DNAAF9: variants seen among roughly 807,000 people sequenced by gnomAD.
The protein encoded by DNAAF9 is shulin.
DNAAF9 carries 90 observed loss-of-function variants against 167.0 expected under a neutral mutation model. The ratio of observed to expected loss-of-function variants is 0.54; its 90% CI spans 0.45 to 0.64. DNAAF9 has a LOEUF of 0.64. Among genes scored for constraint, DNAAF9 ranks in the 30% least tolerant of loss-of-function variants. The pLI, the probability that DNAAF9 is intolerant of heterozygous loss-of-function variation, is 0.00. For missense variants in DNAAF9, 1,315 were observed against 1,442.2 expected (o/e 0.91, Z 1.43); for synonymous variants, 491 against 508.8 (o/e 0.96, Z 0.47).
intron 10 of DNAAF9, among the ~76,000 whole-genome samples, chr20:3,335,515 G>T (rs560914931): frequency 6.6e-6 from 1 of 152,174 alleles, no homozygotes; most frequent in East Asian, 1.9e-4. Flanking sequence ...CTAGCACTTT[G>T]GGAGGTCGAG....
chr20:3,356,561 T>C (rs975701359), intron 7 of DNAAF9, among the ~76,000 whole-genome samples: 1 of 152,254 alleles, frequency 6.6e-6, no homozygotes, highest in African/African-American at 2.4e-5. Context: ...GTACCTATCA[T>C]TGCCCTCTTT....
chr20:3,330,758 T>C, intron 11 of DNAAF9, 76 bp from the exon 12 acceptor site: 2 of 824,772 alleles, frequency 2.4e-6, no homozygotes, highest in Non-Finnish European at 3.9e-6. Context: ...TAGAAATGCT[T>C]AATTTACCTG....
chr20:3,394,919 C>CCATGGCTTT (rs2083877415), intron 1 of DNAAF9, among the ~76,000 whole-genome samples: 1 of 141,396 alleles, frequency 7.1e-6, no homozygotes, highest in Non-Finnish European at 1.5e-5. Context: ...TTCAAAGATT[C>CCATGGCTTT]CATGGCTTTT....
rs907857620 is a variant in DNAAF9 at position 3,306,959 on chromosome 20, C to T, written c.1679-2416G>A. On this transcript the variant is annotated intron_variant, in intron 20 of 36. Transcript: ENST00000252032. ...CCTGCTGCTGAGTGGTTAGTACCTG[C>T]ACCCTTCCCTGTCCTGGGTATCCCT... 6 of 985,188 alleles carry T rather than the reference C, an allele frequency of 6.1e-6. No homozygotes were observed. In the African/African-American group the frequency reaches 8.7e-5, roughly 14 times the overall value. 61.0% of individuals were successfully genotyped at this position (985,188 alleles called of 1,614,324 possible).
chr20:3,267,445 T>C (rs2068509466), intron 30 of DNAAF9, among the ~76,000 whole-genome samples: 2 of 152,160 alleles, frequency 1.3e-5, no homozygotes, highest in Admixed American at 1.3e-4. Context: ...GACTGGTACT[T>C]AGAAACCAAG....
intron 9 of DNAAF9, among the ~76,000 whole-genome samples, chr20:3,342,768 G>A (rs2070112384): frequency 6.6e-6 from 1 of 152,096 alleles, no homozygotes; most frequent in African/African-American, 2.4e-5. Context: ...GGAATTGGGG[G>A]AAGAAAAGAG....
Position 3,318,322 on chromosome 20 carries a change from A to T in DNAAF9, c.1435T>A (p.Phe479Ile), listed in dbSNP as rs2069547172. 6.3e-7 allele frequency: 1 copy of T among 1,591,466 alleles called. No individual in the cohort carries two copies. The highest frequency in any genetic ancestry group is 8.6e-7 in the Non-Finnish European group (1 of 1,159,642). ...CLGSVVFSES[F>I]LTSQILVKEK... ...TTAACTAAGATCTGAGAAGTCAAAA[A>T]TGATTCAGAGAAAACCACAGATCCT... The change falls in exon 17 of 37, where the codon TTT becomes ATT. Residue 479 changes from phenylalanine to isoleucine, a missense_variant. Phe to Ile is a conservative substitution (Grantham distance 21, BLOSUM62 0). This residue lies in a region of DNAAF9 where 981 missense variants were observed against 1,012.5 expected (regional missense o/e 0.97). Transcript: ENST00000252032.
At chr20:3,368,066 G>C (rs1320170702) in intron 6 of DNAAF9, among the ~76,000 whole-genome samples, 1 of 151,746 alleles carries the variant, frequency 6.6e-6, no homozygotes, top group Non-Finnish European at 1.5e-5. Context: ...AATCCTTTCA[G>C]ATAGGTTTCT....
At chr20:3,391,578 C>CTTTTTTT (rs34396355) in intron 1 of DNAAF9, among the ~76,000 whole-genome samples, 3 of 120,952 alleles carry the variant, frequency 2.5e-5, no homozygotes, top group Non-Finnish European at 4.9e-5. Context: ...TTTTTTCCTT[C>CTTTTTTT]TTTTTTTTTT....
At position 3,298,138 on chromosome 20, in the gene DNAAF9, A is replaced by C. The variant is rs747606828; in HGVS notation, c.1820T>G (p.Phe607Cys). 1 of 1,613,816 alleles carries C rather than the reference A, an allele frequency of 6.2e-7. No individual in the cohort carries two copies. Among genetic ancestry groups the C allele is most frequent in the East Asian group, 2.2e-5 (1 of 44,876 alleles). The change falls in exon 22 of 37, where the codon TTC (phenylalanine) becomes TGC (cysteine). Residue 607 changes from phenylalanine (F) to cysteine (C), a missense_variant. This residue lies in a region of DNAAF9 where 981 missense variants were observed against 1,012.5 expected (regional missense o/e 0.97). Transcript: ENST00000252032. Reference sequence around the variant, plus strand: ...GAGGTGAGGAAGCAATGAGCTTTTGAAGTCTATGAGAAGAGCAGCAACAGT... The same window carrying C: ...GAGGTGAGGAAGCAATGAGCTTTTGCAGTCTATGAGAAGAGCAGCAACAGT... Reference protein sequence around the residue: ...TSTVAALLIDFKSSLLPHLPV... With the variant: ...TSTVAALLIDCKSSLLPHLPV...
At chr20:3,254,370 T>G (rs779773051) in intron 35 of DNAAF9, among the ~76,000 whole-genome samples, 2 of 152,138 alleles carry the variant, frequency 1.3e-5, no homozygotes, top group African/African-American at 2.4e-5. Flanking sequence ...TGAGCCACCA[T>G]GCCCGGCCAC....
intron 27 of DNAAF9, among the ~76,000 whole-genome samples, chr20:3,286,248 G>C (rs1320299480): frequency 1.3e-5 from 2 of 152,210 alleles, no homozygotes; most frequent in Non-Finnish European, 2.9e-5. Flanking sequence ...ATATCCTGGG[G>C]CTGTGATGGG....
At chr20:3,352,537 A>G (rs2070345059) in intron 7 of DNAAF9, among the ~76,000 whole-genome samples, 1 of 152,204 alleles carries the variant, frequency 6.6e-6, no homozygotes, top group African/African-American at 2.4e-5. Context: ...CAGCAGTTAA[A>G]GAACGTTTCA....
At chr20:3,268,368 C>T (rs573672611) in intron 30 of DNAAF9, among the ~76,000 whole-genome samples, 17 of 139,800 alleles carry the variant, frequency 1.2e-4, no homozygotes, top group Admixed American at 4.3e-4. Context: ...TTCTCTTTGT[C>T]GCCCACCTGG....
intron 23 of DNAAF9, 72 bp downstream of exon 23, chr20:3,296,789 G>A (rs1002800612): frequency 2.1e-6 from 2 of 931,360 alleles, no homozygotes; most frequent in Non-Finnish European, 3.5e-6. Flanking sequence ...TACATAATGC[G>A]AGGCATCCTG....
rs570255192 is a variant in DNAAF9 at position 3,295,059 on chromosome 20, C to T, written c.2019-430G>A. On this transcript the variant is annotated intron_variant, in intron 23 of 36. Transcript: ENST00000252032. Reference sequence around the variant, plus strand: ...TTTGTGTTTGTATTTTTAGTAGAGACGGGGTTTCACTGTGTTAGCCAGGAT... The same window carrying T: ...TTTGTGTTTGTATTTTTAGTAGAGATGGGGTTTCACTGTGTTAGCCAGGAT... Among the ~76,000 whole-genome samples, 329 of 152,092 alleles carry T rather than the reference C, an allele frequency of 2.2e-3. 1 individual carries two copies. Among genetic ancestry groups the T allele is most frequent in the African/African-American group, 7.5e-3 (311 of 41,492 alleles).
intron 1 of DNAAF9, among the ~76,000 whole-genome samples, chr20:3,392,844 T>A (rs895454606): frequency 6.6e-6 from 1 of 152,218 alleles, no homozygotes; most frequent in African/African-American, 2.4e-5. Flanking sequence ...TCTTCTTATA[T>A]CCTGTACACT....
At chr20:3,326,740 C>A (rs2069718127) in intron 12 of DNAAF9, among the ~76,000 whole-genome samples, 1 of 121,660 alleles carries the variant, frequency 8.2e-6, no homozygotes, top group African/African-American at 3.2e-5. Context: ...AGAGTGGGAC[C>A]CTGTCTCAAA....
chr20:3,325,650 T>C (rs140997836), intron 13 of DNAAF9, among the ~76,000 whole-genome samples: 9 of 152,316 alleles, frequency 5.9e-5, no homozygotes, highest in Middle Eastern at 3.4e-3. Flanking sequence ...TCAAGCTGAC[T>C]CTTCTCATCT....
Sources: allele counts gnomAD v4.1 joint callset (sites outside exome capture counted in the v4.1 genomes callset), GRCh38; gene constraint gnomAD v4.1.1; regional missense constraint gnomAD v4.1.1; transcripts MANE v1.5; gene names NCBI Gene and HGNC (gene_info 2026-07-23, HGNC 2026-07-21).